FAM178B: variants seen among roughly 807,000 people sequenced by gnomAD.
FAM178B encodes the protein family with sequence similarity 178 member B.
FAM178B carries 82 observed loss-of-function variants against 91.7 expected under a neutral mutation model. The ratio of observed to expected loss-of-function variants is 0.89; its 90% confidence interval spans 0.75 to 1.07. The LOEUF (loss-of-function observed/expected upper bound fraction) is 1.07. FAM178B is among the 50% of genes least tolerant of loss of function. The pLI, the probability that FAM178B is intolerant of heterozygous loss-of-function variation, is 0.00. For missense variants in FAM178B, 769 were observed against 846.7 expected, an observed-to-expected ratio of 0.91 and a Z score of 1.14; for synonymous variants, 368 against 359.4, an observed-to-expected ratio of 1.02 and a Z score of -0.27.
At chr2:96,942,657 A>G (rs2081753926) in intron 8 of FAM178B, among the ~76,000 whole-genome samples, 1 of 152,160 alleles carries the variant, frequency 6.6e-6, no homozygotes, top group Admixed American at 6.6e-5. Context: ...GGCCTCCCAA[A>G]GTGCTGGGAT....
intron 13 of FAM178B, among the ~76,000 whole-genome samples, chr2:96,901,745 G>A (rs1016287031): frequency 6.6e-6 from 1 of 152,112 alleles, no homozygotes; most frequent in Non-Finnish European, 1.5e-5. Context: ...GCACAACACT[G>A]TGAATGAACT....
At chr2:96,880,003 C>T (rs1408261851) in intron 14 of FAM178B, among the ~76,000 whole-genome samples, 4 of 152,242 alleles carry the variant, frequency 2.6e-5, no homozygotes, top group African/African-American at 9.6e-5. Flanking sequence ...TCTGGGCCTG[C>T]GTGCCGGACA....
chr2:96,960,288 C>G lies in FAM178B; in HGVS notation c.887G>C (p.Ser296Thr). The G allele has an allele frequency of 6.4e-7, 1 of 1,551,706 alleles. No homozygotes were observed. The highest frequency in any genetic ancestry group is 2.0e-5 in the Admixed American group (1 of 51,006). ...CCTCACCCCTCCTCCCCACACTTAC[C>G]TGAGGAACAGCCCTTCCAGGTGGCT... The part of the protein sequence containing the change: ...PRSHLEGLFL[S>T]SPPAQQLSFL... Residue 296 changes from serine to threonine, a missense_variant and splice_region_variant, in exon 6 of 17, where the codon AGC becomes ACC. Transcript: ENST00000490605.
chr2:96,904,541 A>ATTTTTTT (rs11284849), intron 12 of FAM178B, among the ~76,000 whole-genome samples: 290 of 96,572 alleles, frequency 3.0e-3, no homozygotes, highest in Middle Eastern at 7.4e-3. Flanking sequence ...ATGCCTGGCT[A>ATTTTTTT]TTTTTTTTTT....
At chr2:96,879,103 A>G (rs1339267815) in intron 14 of FAM178B, among the ~76,000 whole-genome samples, 1 of 152,150 alleles carries the variant, frequency 6.6e-6, no homozygotes, top group Non-Finnish European at 1.5e-5. Flanking sequence ...CTTGGTACCC[A>G]TTCACTTATG....
Position 96,970,771 on chromosome 2 carries a change from A to G in FAM178B, c.571T>C (p.Trp191Arg). Residue 191 changes from tryptophan to arginine, a missense_variant, in exon 4 of 17, where the codon TGG becomes CGG. By Grantham distance (101) the Trp-to-Arg change is moderately radical. Transcript: ENST00000490605. ...TTGAAGTAGCTTCCTGAGCCCCCCC[A>G]GGAAAACTGGAGAAACAGGACATGG... ...SQQAAAPEFS[W>R]GGSGSYFNNL... 2 of 1,550,918 alleles carry G rather than the reference A, an allele frequency of 1.3e-6. No homozygotes were observed. The highest frequency in any genetic ancestry group is 2.4e-5 in the South Asian group (2 of 84,042).
At position 96,877,628 on chromosome 2, in the gene FAM178B, C is replaced by T. The variant is rs80105116; in HGVS notation, c.2007+262G>A. The T allele has an allele frequency of 1.0e-2, 4,526 of 453,072 alleles. 164 individuals carry two copies. The highest frequency in any genetic ancestry group is 0.079 in the African/African-American group (4,020 of 51,150). The allele number at this position is 453,072 out of a possible 1,614,324, so 28.1% of individuals were successfully genotyped here. On this transcript the variant is annotated intron_variant, in intron 16 of 16. Transcript: ENST00000490605. The stretch of plus-strand genomic sequence containing the variant: ...ATGTTGGCCAGGCTGGTCTCCTGAC[C>T]TTGTGATCCGCCCGCCTCAGTCTCC...
intron 8 of FAM178B, among the ~76,000 whole-genome samples, chr2:96,932,087 C>G (rs921630803): frequency 4.6e-5 from 7 of 152,178 alleles, no homozygotes; most frequent in Non-Finnish European, 8.8e-5. Flanking sequence ...CAACCTAGGG[C>G]GAGGCCCCGG....
chr2:96,957,350 C>T (rs1264682479), intron 6 of FAM178B, among the ~76,000 whole-genome samples: 3 of 152,164 alleles, frequency 2.0e-5, no homozygotes, highest in Non-Finnish European at 4.4e-5. Context: ...CGCCACTGCC[C>T]GGCAGAGGTC....
chr2:96,937,995 C>A (rs1176797847), intron 8 of FAM178B, among the ~76,000 whole-genome samples: 1 of 152,204 alleles, frequency 6.6e-6, no homozygotes, highest in Non-Finnish European at 1.5e-5. Context: ...GATGCCACCA[C>A]TGCACTCCAG....
intron 9 of FAM178B, among the ~76,000 whole-genome samples, chr2:96,925,638 C>A (rs2081425201): frequency 6.6e-6 from 1 of 152,106 alleles, no homozygotes; most frequent in South Asian, 2.1e-4. Flanking sequence ...CCATTGGACT[C>A]TTATGAGCAA....
intron 14 of FAM178B, among the ~76,000 whole-genome samples, chr2:96,885,505 T>G: frequency 6.6e-6 from 1 of 152,324 alleles, no homozygotes; most frequent in Non-Finnish European, 1.5e-5. Context: ...GTGGAGGCCA[T>G]GGCGCATGGG....
intron 7 of FAM178B, among the ~76,000 whole-genome samples, chr2:96,948,886 C>A (rs1170930294): frequency 2.0e-5 from 3 of 152,178 alleles, no homozygotes; most frequent in African/African-American, 7.2e-5. Context: ...GGCTCCAGAG[C>A]CCAGTGGGAC....
In FAM178B at chr2:96,892,623, G is replaced by GTGAGCACAGTGAGCAC. The variant is rs2080710193; in HGVS notation, c.1776+1302_1776+1303insGTGCTCACTGTGCTCA. Reference sequence around the variant, plus strand: ...TGCCACCTGGATAGCCTCTGTACCAGAGTGAGCCTGGCAGGAATCACACCT... The same window carrying GTGAGCACAGTGAGCAC: ...TGCCACCTGGATAGCCTCTGTACCAGTGAGCACAGTGAGCACAGTGAGCCTGGCAGGAATCACACCT... On this transcript the variant is annotated intron_variant, in intron 14 of 16. Coordinates refer to ENST00000490605, the MANE Select transcript of FAM178B (RefSeq NM_001122646.3). 3.9e-5 allele frequency among the ~76,000 whole-genome samples: 6 copies of GTGAGCACAGTGAGCAC among 152,204 alleles called. No homozygotes were observed. The South Asian group carries it at 1.0e-3, about 26-fold the overall frequency.
intron 16 of FAM178B, among the ~76,000 whole-genome samples, chr2:96,877,402 A>ATTT (rs897024279): frequency 3.0e-5 from 4 of 132,378 alleles, no homozygotes; most frequent in African/African-American, 5.6e-5. Flanking sequence ...TGGGCACTGG[A>ATTT]TTTTTTTTTT....
At chr2:96,900,507 T>C (rs936617351) in intron 13 of FAM178B, among the ~76,000 whole-genome samples, 8 of 152,060 alleles carry the variant, frequency 5.3e-5, no homozygotes, top group African/African-American at 1.7e-4. Flanking sequence ...GGGCTTATTT[T>C]CTGCTTGGGG....
intron 12 of FAM178B, among the ~76,000 whole-genome samples, chr2:96,918,793 G>A (rs114564306): frequency 0.012 from 1,754 of 152,266 alleles, 13 homozygotes; most frequent in Non-Finnish European, 0.019. Context: ...CCAGTGCTGC[G>A]TTCCAGGCCT....
At chr2:96,912,413 A>G (rs13407036) in intron 12 of FAM178B, among the ~76,000 whole-genome samples, 43,892 of 151,718 alleles carry the variant, frequency 0.29, 10,956 homozygotes, top group African/African-American at 0.68. Context: ...AGTAAGGGCT[A>G]GGGTGGAATC....
At chr2:96,913,038 G>A (rs2081185374) in intron 12 of FAM178B, among the ~76,000 whole-genome samples, 1 of 152,230 alleles carries the variant, frequency 6.6e-6, no homozygotes, top group South Asian at 2.1e-4. Context: ...GGTAGGAGAC[G>A]CAGGAACGCA....
Sources: gnomAD v4.1 joint callset for allele counts (sites outside exome capture counted in the v4.1 genomes callset) on GRCh38, gnomAD v4.1.1 for gene constraint, MANE v1.5 for transcripts, NCBI Gene and HGNC (gene_info 2026-07-23, HGNC 2026-07-21) for gene names.